The following DESI2 variants were observed in gnomAD, a reference collection of about 807,000 sequenced individuals.
DESI2 encodes deubiquitinase DESI2.
DESI2 carries 10 observed loss-of-function variants against 24.1 expected under a neutral mutation model. The observed-to-expected ratio is 0.41, with a 90% confidence interval of 0.26 to 0.70. DESI2 has a LOEUF of 0.70. Among genes scored for constraint, DESI2 ranks in the 30% least tolerant of loss-of-function variants. The probability of loss-of-function intolerance (pLI) is 0.29; values close to 1 mark genes in which losing one functional copy is unlikely to be tolerated. For synonymous variants in DESI2, 71 were observed against 87.7 expected (o/e 0.81, Z 1.06); for missense variants, 122 against 234.9 (o/e 0.52, Z 3.14).
chr1:244,704,450 G>A (rs183638856), intron 4 of DESI2, among the ~76,000 whole-genome samples: 7 of 152,196 alleles, frequency 4.6e-5, no homozygotes, highest in African/African-American at 1.7e-4. Context: ...GGAGCGGGGG[G>A]AAGGGTTCAA....
At chr1:244,701,076 C>G (rs1453454303) in intron 4 of DESI2, among the ~76,000 whole-genome samples, 1 of 151,916 alleles carries the variant, frequency 6.6e-6, no homozygotes, top group Non-Finnish European at 1.5e-5. Flanking sequence ...TATTAAAGCA[C>G]AAGAAGGAAT....
At position 244,705,635 on chromosome 1, in the gene DESI2, G is replaced by C; in HGVS notation, c.431G>C (p.Cys144Ser). ...TCCTGTATACCCTTTCTACAGAGTT[G>C]CCTCCCGAAGGAGTGGCTCACGCCC... Reference protein sequence around the residue: ...FSSCIPFLQSCLPKEWLTPAA... With the variant: ...FSSCIPFLQSSLPKEWLTPAA... Residue 144 changes from cysteine to serine, a missense_variant, in exon 5 of 5, where the codon TGC (cysteine) becomes TCC (serine). Physicochemically the swap from Cys to Ser is moderately radical, Grantham distance 112. This residue lies in a region of DESI2 where 56 missense variants were observed against 67.9 expected (regional missense o/e 0.82). Coordinates refer to ENST00000302550, the MANE Select transcript of DESI2 (RefSeq NM_016076.5). The C allele has an allele frequency of 6.2e-7, 1 of 1,614,180 alleles. No homozygotes were observed. Among genetic ancestry groups the C allele is most frequent in the Non-Finnish European group, 8.5e-7 (1 of 1,180,036 alleles).
At chr1:244,666,421 T>C (rs1198517377) in intron 1 of DESI2, among the ~76,000 whole-genome samples, 1 of 152,164 alleles carries the variant, frequency 6.6e-6, no homozygotes, top group Admixed American at 6.6e-5. Context: ...ACTCTATCAC[T>C]CCAATCAGTG....
intron 1 of DESI2, among the ~76,000 whole-genome samples, chr1:244,679,268 T>C (rs1240288704): frequency 6.6e-6 from 1 of 152,010 alleles, no homozygotes; most frequent in Admixed American, 6.6e-5. Flanking sequence ...TCTTTTTCTG[T>C]GAAAAGGGGG....
intron 1 of DESI2, among the ~76,000 whole-genome samples, chr1:244,683,553 C>T (rs923564660): frequency 9.9e-5 from 15 of 152,250 alleles, no homozygotes; most frequent in East Asian, 1.9e-4. Context: ...CCTTGTGATC[C>T]GCCCACCTCA....
At chr1:244,690,487 C>T (rs1676986242) in intron 3 of DESI2, among the ~76,000 whole-genome samples, 1 of 152,106 alleles carries the variant, frequency 6.6e-6, no homozygotes, top group African/African-American at 2.4e-5. Flanking sequence ...AGGCGGATCA[C>T]CTGAGGTCAG....
chr1:244,661,483 A>G (rs934793624), intron 1 of DESI2, among the ~76,000 whole-genome samples: 31 of 152,108 alleles, frequency 2.0e-4, no homozygotes, highest in African/African-American at 7.5e-4. Flanking sequence ...ATATGTATAC[A>G]TGTGCCGTGT....
chr1:244,657,794 A>G (rs1675699603), intron 1 of DESI2, among the ~76,000 whole-genome samples: 1 of 152,248 alleles, frequency 6.6e-6, no homozygotes, highest in Admixed American at 6.5e-5. Context: ...ATGTGAAGGA[A>G]GATGGAAGAA....
rs370294101 is a variant in DESI2, at chr1:244,693,697, C to T, written c.351+1677C>T. Among the ~76,000 whole-genome samples the T allele has an allele frequency of 1.4e-4, 22 of 152,328 alleles. No homozygotes were observed. The East Asian group carries it at 3.5e-3, about 24-fold the overall frequency. On this transcript the variant is annotated intron_variant, in intron 4 of 4. Transcript: ENST00000302550. Reference sequence around the variant, plus strand: ...CCGCCCGCCTCAGCCTCCCAAAGTGCTGGGATTACAGGCGTGAGCCACGGC... The same window carrying T: ...CCGCCCGCCTCAGCCTCCCAAAGTGTTGGGATTACAGGCGTGAGCCACGGC...
chr1:244,653,252 C>T lies in DESI2; in HGVS notation c.-62C>T, dbSNP rs1430070629. 3 of 1,439,656 alleles carry T rather than the reference C, an allele frequency of 2.1e-6. No individual in the cohort carries two copies. The highest frequency in any genetic ancestry group is 2.9e-5 in the Admixed American group (1 of 33,968). 89.2% of individuals were successfully genotyped at this position (1,439,656 alleles called of 1,614,324 possible). ...CCTGAAGCGCCCGCGGGGGTGAGAG[C>T]GGCCTCCGGCCCCGCGGAGACGGAG... On this transcript the variant is annotated 5_prime_UTR_variant, in exon 1 of 5. Transcript: ENST00000302550.
At chr1:244,677,119 G>A (rs1181172663) in intron 1 of DESI2, among the ~76,000 whole-genome samples, 1 of 152,030 alleles carries the variant, frequency 6.6e-6, no homozygotes, top group Non-Finnish European at 1.5e-5. Context: ...TATTTTGGAA[G>A]AGCTTCTGAA....
chr1:244,653,220 C>G lies in DESI2; in HGVS notation c.-94C>G. On this transcript the variant is annotated 5_prime_UTR_variant, in exon 1 of 5. Transcript: ENST00000302550. The stretch of plus-strand genomic sequence containing the variant: ...CGGGCTGTACGCTTAGTGCCCGGCT[C>G]AGGCCCCCTGAAGCGCCCGCGGGGG... 1 of 1,322,966 alleles carries G rather than the reference C, an allele frequency of 7.6e-7. No homozygotes were observed. The highest frequency in any genetic ancestry group is 1.8e-5 in the South Asian group (1 of 57,048). 82.0% of individuals were successfully genotyped at this position (1,322,966 alleles called of 1,614,324 possible).
intron 1 of DESI2, among the ~76,000 whole-genome samples, chr1:244,683,431 C>T (rs961413133): frequency 3.9e-5 from 6 of 151,918 alleles, no homozygotes; most frequent in Non-Finnish European, 7.4e-5. Context: ...CCTGCCTCAG[C>T]CTCCTGAGTA....
At position 244,653,139 on chromosome 1, in the gene DESI2, G is replaced by T. The variant is rs1306901169; in HGVS notation, c.-175G>T. The T allele has an allele frequency of 2.5e-5, 13 of 524,878 alleles. No individual in the cohort carries two copies. The highest frequency in any genetic ancestry group is 4.0e-5 in the African/African-American group (2 of 50,204). The allele number at this position is 524,878 out of a possible 1,614,324, so 32.5% of individuals were successfully genotyped here. ...CCCCGTCCGCACAGACGCTCCTGTC[G>T]GCGGCGCCCGGGAGCGGCTCGGCTG... is the stretch of plus-strand genomic sequence containing the variant. On this transcript the variant is annotated 5_prime_UTR_variant, in exon 1 of 5. Transcript: ENST00000302550.
chr1:244,685,427 C>G (rs1558661613), intron 1 of DESI2, among the ~76,000 whole-genome samples: 1 of 152,040 alleles, frequency 6.6e-6, no homozygotes, highest in Non-Finnish European at 1.5e-5. Context: ...GGGTCTGTAC[C>G]AGGATCTGTT....
chr1:244,680,789 A>G (rs980277235), intron 1 of DESI2, among the ~76,000 whole-genome samples: 5 of 152,134 alleles, frequency 3.3e-5, no homozygotes, highest in Admixed American at 2.6e-4. Flanking sequence ...GACATTGTGT[A>G]TATCATTCTT....
chr1:244,663,170 G>A (rs908584548), intron 1 of DESI2, among the ~76,000 whole-genome samples: 2 of 151,958 alleles, frequency 1.3e-5, no homozygotes, highest in African/African-American at 2.4e-5. Flanking sequence ...CCAAAGCCTG[G>A]TTTAACTTGC....
chr1:244,701,253 G>A (rs1677451386), intron 4 of DESI2, among the ~76,000 whole-genome samples: 1 of 105,162 alleles, frequency 9.5e-6, no homozygotes, highest in Non-Finnish European at 1.8e-5. Context: ...AACTGCTGAA[G>A]AAATTAAATA....
chr1:244,657,974 G>T (rs548770398), intron 1 of DESI2, among the ~76,000 whole-genome samples: 383 of 152,254 alleles, frequency 2.5e-3, no homozygotes, highest in African/African-American at 8.3e-3. Flanking sequence ...AGTTGTGGGT[G>T]AGGAAGGCAA....
Sources: gnomAD v4.1 joint callset for allele counts (sites outside exome capture counted in the v4.1 genomes callset) on GRCh38, gnomAD v4.1.1 for gene constraint, gnomAD v4.1.1 regional missense constraint, MANE v1.5 for transcripts, NCBI Gene and HGNC (gene_info 2026-07-23, HGNC 2026-07-21) for gene names.